Variants in KLHDC1 observed in about 807,000 individuals in gnomAD.
KLHDC1 encodes kelch domain containing 1.
KLHDC1 carries 53 observed loss-of-function variants against 68.3 expected under a neutral mutation model. The ratio of observed to expected loss-of-function variants is 0.78; its 90% CI spans 0.62 to 0.98. KLHDC1 has a LOEUF of 0.98. Ranked by LOEUF, KLHDC1 falls within the 50% of genes least tolerant of loss-of-function variation. KLHDC1 has a pLI of 0.00. For missense variants in KLHDC1, 470 were observed against 492.3 expected (o/e 0.95, Z 0.43); for synonymous variants, 148 against 159.0 (o/e 0.93, Z 0.52).
chr14:49,704,105 T>C (rs1887980611), intron 1 of KLHDC1, among the ~76,000 whole-genome samples: 1 of 152,204 alleles, frequency 6.6e-6, no homozygotes. Context: ...GGCAACACAT[T>C]TGGTACCATC....
At chr14:49,744,271 A>G (rs1166099334) in intron 12 of KLHDC1, among the ~76,000 whole-genome samples, 1 of 151,620 alleles carries the variant, frequency 6.6e-6, no homozygotes, top group Admixed American at 6.6e-5. Context: ...CAGCCTGGAA[A>G]TAGACTGAAA....
At chr14:49,735,404 A>G (rs920846369) in intron 10 of KLHDC1, among the ~76,000 whole-genome samples, 1 of 151,994 alleles carries the variant, frequency 6.6e-6, no homozygotes, top group African/African-American at 2.4e-5. Flanking sequence ...TGTGTAATCA[A>G]TTTAATGATA....
chr14:49,718,068 G>A (rs1888425154), intron 4 of KLHDC1, among the ~76,000 whole-genome samples: 1 of 151,664 alleles, frequency 6.6e-6, no homozygotes, highest in African/African-American at 2.4e-5. Context: ...TTTATTATTT[G>A]TAGGGATAGG....
intron 10 of KLHDC1, among the ~76,000 whole-genome samples, chr14:49,737,246 T>TG (rs1354094670): frequency 3.3e-5 from 5 of 152,214 alleles, no homozygotes; most frequent in African/African-American, 1.2e-4. Context: ...TTTATATCAA[T>TG]GTATCTTCTA....
At chr14:49,725,884 G>A (rs958304431) in intron 6 of KLHDC1, 115 bp downstream of exon 6, 19 of 584,704 alleles carry the variant, frequency 3.2e-5, no homozygotes, top group Non-Finnish European at 5.7e-5. Flanking sequence ...GTCTTGCTCT[G>A]TTGCCCAGGC....
chr14:49,703,906 C>T (rs1887974813), intron 1 of KLHDC1, among the ~76,000 whole-genome samples: 1 of 149,118 alleles, frequency 6.7e-6, no homozygotes, highest in Non-Finnish European at 1.5e-5. Flanking sequence ...CTATTGTAAG[C>T]ATTCTTATAA....
chr14:49,727,547 G>A (rs1405918771), intron 6 of KLHDC1, among the ~76,000 whole-genome samples: 2 of 152,014 alleles, frequency 1.3e-5, no homozygotes, highest in Non-Finnish European at 2.9e-5. Context: ...ATACAAAATC[G>A]TAAGTATTAG....
At chr14:49,718,295 G>GT (rs1888431135) in intron 4 of KLHDC1, among the ~76,000 whole-genome samples, 1 of 151,844 alleles carries the variant, frequency 6.6e-6, no homozygotes, top group Non-Finnish European at 1.5e-5. Flanking sequence ...TTGTTTGTTT[G>GT]TTTTTGAGAC....
intron 1 of KLHDC1, chr14:49,707,673 C>T (rs1888093023): frequency 1.2e-5 from 1 of 86,830 alleles, no homozygotes; most frequent in Non-Finnish European, 2.2e-5. Flanking sequence ...TTTTAAGAAG[C>T]AGGGTCTGCC....
At chr14:49,715,763 A>ATATATATATATAT (rs1343764367) in intron 4 of KLHDC1, among the ~76,000 whole-genome samples, 5 of 71,426 alleles carry the variant, frequency 7.0e-5, no homozygotes, top group East Asian at 4.0e-4. Context: ...AAAAAAAAAA[A>ATATATATATATAT]AAATATATAT....
chr14:49,731,046 G>A (rs896589404), intron 8 of KLHDC1, among the ~76,000 whole-genome samples: 5 of 152,124 alleles, frequency 3.3e-5, no homozygotes, highest in Admixed American at 2.6e-4. Flanking sequence ...TTGGGAGGCT[G>A]AGGCTGGTGG....
chr14:49,731,038 G>C (rs1183589321), intron 8 of KLHDC1, among the ~76,000 whole-genome samples: 1 of 152,096 alleles, frequency 6.6e-6, no homozygotes, highest in African/African-American at 2.4e-5. Context: ...CCAGTACTTT[G>C]GGAGGCTGAG....
At chr14:49,734,231 CTGTG>C (rs771308209) in intron 9 of KLHDC1, among the ~76,000 whole-genome samples, 8 of 151,966 alleles carry the variant, frequency 5.3e-5, no homozygotes, top group Non-Finnish European at 1.2e-4. Flanking sequence ...GTTTGGTTGA[CTGTG>C]ATAATGGCAT....
chr14:49,721,167 T>C lies in KLHDC1; in HGVS notation c.405-2707T>C, dbSNP rs140279585. ...TCATGGGCCACTTTTTTGTGCCTTT[T>C]GTGTATTTTGTAATTTTTATTTTTT... is the stretch of plus-strand genomic sequence containing the variant. On this transcript the variant is annotated intron_variant, in intron 4 of 12. Transcript: ENST00000359332. Among the ~76,000 whole-genome samples, 1,181 of 152,166 alleles carry C rather than the reference T, an allele frequency of 7.8e-3. 16 individuals are homozygous for C. Among genetic ancestry groups the C allele is most frequent in the African/African-American group, 0.027 (1,125 of 41,512 alleles).
chr14:49,718,362 C>G (rs1888432438), intron 4 of KLHDC1, among the ~76,000 whole-genome samples: 1 of 152,174 alleles, frequency 6.6e-6, no homozygotes, highest in African/African-American at 2.4e-5. Flanking sequence ...TTCACTGCAG[C>G]CTCTACCTCC....
intron 4 of KLHDC1, among the ~76,000 whole-genome samples, chr14:49,717,120 A>G (rs1236199487): frequency 2.6e-5 from 4 of 152,312 alleles, no homozygotes; most frequent in Admixed American, 6.5e-5. Context: ...ATATGTTGGT[A>G]GATGCTTGGG....
In KLHDC1 at chr14:49,723,911, A is replaced by C. The variant is rs1566609415; in HGVS notation, c.442A>C (p.Ser148Arg). 1 of 1,605,808 alleles carries C rather than the reference A, an allele frequency of 6.2e-7. No homozygotes were observed. Among genetic ancestry groups the C allele is most frequent in the Non-Finnish European group, 8.5e-7 (1 of 1,174,028 alleles). Residue 148 changes from serine (S) to arginine (R), a missense_variant, in exon 5 of 13, where the codon AGT (serine) becomes CGT (arginine). Coordinates refer to ENST00000359332, the MANE Select transcript of KLHDC1 (RefSeq NM_172193.3). ...YFGGYGCRRH[S>R]ELQDCFDVHD... ...TGGTGGTTATGGGTGTAGGAGACAC[A>C]GTGAACTCCAAGACTGTTTTGATGT...
Position 49,714,421 on chromosome 14 carries a change from C to T in KLHDC1, c.404+4040C>T, listed in dbSNP as rs138121632. Among the ~76,000 whole-genome samples, 154 of 150,844 alleles carry T rather than the reference C, an allele frequency of 1.0e-3. No individual in the cohort carries two copies. The East Asian group carries it at 0.023, about 22-fold the overall frequency. ...CCAGGAGGTGGAGGTTGCAGTGAGC[C>T]GAGATCGCGCCATTGCACTCGAGCC... is the stretch of plus-strand genomic sequence containing the variant. On this transcript the variant is annotated intron_variant, in intron 4 of 12. Coordinates refer to ENST00000359332, the MANE Select transcript of KLHDC1 (RefSeq NM_172193.3).
In KLHDC1 at chr14:49,696,264, T is replaced by C. The variant is rs1887740264; in HGVS notation, c.96+2974T>C. Among the ~76,000 whole-genome samples, 7 of 151,326 alleles carry C rather than the reference T, an allele frequency of 4.6e-5. No individual in the cohort carries two copies. In the South Asian group the frequency reaches 1.5e-3, roughly 32 times the overall value. On this transcript the variant is annotated intron_variant, in intron 1 of 12. Transcript: ENST00000359332. ...TTAGCTCACTGCAACCTCCGCCTTCTGAGCTCAAGCAATTCTCATGCCTCA... is the reference window on the plus strand; with the variant it reads ...TTAGCTCACTGCAACCTCCGCCTTCCGAGCTCAAGCAATTCTCATGCCTCA...
Sources: allele counts gnomAD v4.1 joint callset (sites outside exome capture counted in the v4.1 genomes callset), GRCh38; gene constraint gnomAD v4.1.1; transcripts MANE v1.5; gene names NCBI Gene and HGNC (gene_info 2026-07-23, HGNC 2026-07-21).